Variants in BCAS3 observed in about 807,000 individuals in gnomAD.
BCAS3 encodes the protein BCAS4/BCAS3 fusion.
In BCAS3, 53 loss-of-function variants were observed where a neutral mutation model predicts 116.1. The ratio of observed to expected loss-of-function variants is 0.46; its 90% CI spans 0.37 to 0.57. The LOEUF is 0.57. BCAS3 is among the 20% of genes least tolerant of loss of function. BCAS3 has a pLI of 0.00. For synonymous variants in BCAS3, 391 were observed against 408.2 expected, an observed-to-expected ratio of 0.96 and a Z score of 0.51; for missense variants, 917 against 1,165.4, an observed-to-expected ratio of 0.79 and a Z score of 3.10.
At chr17:60,856,253 GGAA>G (rs2053663308) in intron 7 of BCAS3, among the ~76,000 whole-genome samples, 1 of 152,110 alleles carries the variant, frequency 6.6e-6, no homozygotes, top group South Asian at 2.1e-4. Flanking sequence ...TTTTATTAAT[GGAA>G]GAAGGAGTAA....
At chr17:61,318,078 C>T (rs548948916) in intron 22 of BCAS3, among the ~76,000 whole-genome samples, 4 of 152,340 alleles carry the variant, frequency 2.6e-5, no homozygotes, top group East Asian at 3.9e-4. Flanking sequence ...GGCCAGAGGC[C>T]GCCTCTCCTG....
intron 22 of BCAS3, among the ~76,000 whole-genome samples, chr17:61,306,266 G>A (rs1462382069): frequency 1.3e-5 from 2 of 152,190 alleles, no homozygotes; most frequent in Admixed American, 6.5e-5. Context: ...GATCCCATGA[G>A]CTATTTGTAT....
intron 10 of BCAS3, among the ~76,000 whole-genome samples, chr17:60,891,045 A>G (rs776126317): frequency 2.6e-5 from 4 of 152,094 alleles, no homozygotes; most frequent in Non-Finnish European, 5.9e-5. Flanking sequence ...TTTATATTCC[A>G]TTTTGTTTTT....
chr17:60,773,353 A>C lies in BCAS3; in HGVS notation c.403+26074A>C, dbSNP rs114596535. 8.5e-3 allele frequency among the ~76,000 whole-genome samples: 1,086 copies of C among 127,718 alleles called. 15 individuals carry two copies. The highest frequency in any genetic ancestry group is 0.032 in the African/African-American group (1,018 of 31,994). The allele number at this position is 127,718 out of a possible 152,430, so 83.8% of individuals were successfully genotyped here. A position where few individuals can be genotyped will look rare whatever the true frequency, so the allele number is the denominator to read the frequency against. On this transcript the variant is annotated intron_variant, in intron 6 of 23. Transcript: ENST00000407086. ...GTCACCAGGGCTGAAATGCAGAGGT[A>C]TTATCATGGCTCGCTGCAGCCTTGA...
intron 9 of BCAS3, among the ~76,000 whole-genome samples, chr17:60,874,989 A>G (rs1167855474): frequency 6.6e-6 from 1 of 152,070 alleles, no homozygotes; most frequent in Non-Finnish European, 1.5e-5. Flanking sequence ...CTTACATACT[A>G]TCCTTGAGTT....
rs541016426 is a variant in BCAS3 at position 61,029,884 on chromosome 17, G to A, written c.1638-4782G>A. On this transcript the variant is annotated intron_variant, in intron 16 of 23. Coordinates refer to ENST00000407086, the MANE Select transcript of BCAS3 (RefSeq NM_017679.5). This position sits in a 1 kb window ranked among gnomAD's most constrained non-coding sequence, Gnocchi z 5.2. The stretch of plus-strand genomic sequence containing the variant: ...TATGATTTCATTTTTTGAAAGATAC[G>A]ATTTATATGGAGAGGAGAATTTATT... 5.7e-4 allele frequency among the ~76,000 whole-genome samples: 86 copies of A among 151,796 alleles called. No homozygotes were observed. Among genetic ancestry groups the A allele is most frequent in the African/African-American group, 2.0e-3 (85 of 41,474 alleles).
At chr17:60,826,415 TTCTC>T (rs1298301693) in intron 7 of BCAS3, among the ~76,000 whole-genome samples, 1 of 152,110 alleles carries the variant, frequency 6.6e-6, no homozygotes, top group African/African-American at 2.4e-5. Flanking sequence ...GCTCAAGTGA[TTCTC>T]TCGTGTCGGC....
At position 61,349,673 on chromosome 17, in the gene BCAS3, T is replaced by TA. The variant is rs1222755559; in HGVS notation, c.2426-18653dup. 6.6e-6 allele frequency among the ~76,000 whole-genome samples: 1 copy of TA among 152,202 alleles called. No homozygotes were observed. The highest frequency in any genetic ancestry group is 1.5e-5 in the Non-Finnish European group (1 of 68,034). On this transcript the variant is annotated intron_variant, in intron 22 of 23. Transcript: ENST00000407086. This position sits in a 1 kb window ranked among gnomAD's most constrained non-coding sequence, Gnocchi z 4.7. ...GACTATTAAAGAAGTGTGGAAGAGG[T>TA]ACCATATGTAGACAAAGAAGACGTT...
chr17:61,272,413 G>A (rs1343242436), intron 22 of BCAS3, among the ~76,000 whole-genome samples: 1 of 151,810 alleles, frequency 6.6e-6, no homozygotes, highest in Non-Finnish European at 1.5e-5. Flanking sequence ...CGGGCAGATT[G>A]CTTGAGCTCA....
chr17:61,363,665 T>G lies in BCAS3; in HGVS notation c.2426-4662T>G, dbSNP rs748558205. 1.6e-4 allele frequency among the ~76,000 whole-genome samples: 24 copies of G among 151,958 alleles called. No homozygotes were observed. Among genetic ancestry groups the G allele is most frequent in the Non-Finnish European group, 2.4e-4 (16 of 68,018 alleles). ...TGTGAGTTAACTGAAATAGCAAATG[T>G]GAGAGGGCTTTGTAAATAGCAGAGC... On this transcript the variant is annotated intron_variant, in intron 22 of 23. Transcript: ENST00000407086. The surrounding 1 kb of genome is among the most constrained non-coding windows in gnomAD (Gnocchi z 4.9).
At chr17:61,022,813 A>T (rs1345974774) in intron 16 of BCAS3, among the ~76,000 whole-genome samples, 2 of 151,946 alleles carry the variant, frequency 1.3e-5, no homozygotes, top group Admixed American at 6.6e-5. Flanking sequence ...CTGATTTTTA[A>T]AATGTTGTGA....
chr17:61,076,434 G>A (rs2071996185), intron 20 of BCAS3, among the ~76,000 whole-genome samples: 1 of 152,220 alleles, frequency 6.6e-6, no homozygotes, highest in African/African-American at 2.4e-5. Flanking sequence ...TTCACAGGAA[G>A]TTCCTTGAAG....
At chr17:61,236,703 ATAAAG>A (rs1205967023) in intron 22 of BCAS3, among the ~76,000 whole-genome samples, 1 of 152,154 alleles carries the variant, frequency 6.6e-6, no homozygotes, top group Non-Finnish European at 1.5e-5. Context: ...AAAAGATGGT[ATAAAG>A]TAGTCAATTG....
At chr17:61,191,723 C>T (rs1338828031) in intron 22 of BCAS3, among the ~76,000 whole-genome samples, 11 of 149,914 alleles carry the variant, frequency 7.3e-5, no homozygotes, top group Non-Finnish European at 1.2e-4. Context: ...TGCTGTGAGC[C>T]GAGATCGCAC....
chr17:61,335,824 C>T (rs955911558), intron 22 of BCAS3, among the ~76,000 whole-genome samples: 12 of 152,252 alleles, frequency 7.9e-5, no homozygotes, highest in Non-Finnish European at 5.9e-5. Flanking sequence ...GTATTTTCTT[C>T]TCAGAAATCT....
chr17:60,949,740 A>C (rs1365803098), intron 14 of BCAS3, among the ~76,000 whole-genome samples: 1 of 152,204 alleles, frequency 6.6e-6, no homozygotes, highest in Non-Finnish European at 1.5e-5. Context: ...TTATTTTGAA[A>C]TATACAATAA....
At chr17:60,739,214 G>A (rs922547755) in intron 5 of BCAS3, among the ~76,000 whole-genome samples, 1 of 151,994 alleles carries the variant, frequency 6.6e-6, no homozygotes, top group African/African-American at 2.4e-5. Flanking sequence ...ATATGCATAA[G>A]TGCATATATA....
rs1025660739 is a variant in BCAS3 at position 61,313,295 on chromosome 17, T to G, written c.2426-55032T>G. ...TGTGGCCACGATTACACCACCATGA[T>G]TCTACTCCAAAGACTGTCTTCCCTC... is the stretch of plus-strand genomic sequence containing the variant. On this transcript the variant is annotated intron_variant, in intron 22 of 23. Transcript: ENST00000407086. The surrounding 1 kb of genome is among the most constrained non-coding windows in gnomAD (Gnocchi z 4.3). 1.1e-4 allele frequency among the ~76,000 whole-genome samples: 17 copies of G among 152,216 alleles called. No homozygotes were observed.
At chr17:60,780,323 G>A (rs1246670709) in intron 6 of BCAS3, among the ~76,000 whole-genome samples, 1 of 145,086 alleles carries the variant, frequency 6.9e-6, no homozygotes, top group Admixed American at 7.0e-5. Context: ...TTGAGACAGT[G>A]TCACCCTGTT....
Sources: gnomAD v4.1 joint callset for allele counts (sites outside exome capture counted in the v4.1 genomes callset) on GRCh38, gnomAD v4.1.1 for gene constraint, Gnocchi (gnomAD v3.1) non-coding constraint, MANE v1.5 for transcripts, NCBI Gene and HGNC (gene_info 2026-07-23, HGNC 2026-07-21) for gene names.